Variants in ZYG11B observed in about 807,000 individuals in gnomAD.
The protein encoded by ZYG11B is zyg-11 family member B, cell cycle regulator, also known as protein zyg-11 homolog B.
In ZYG11B, 36 loss-of-function variants were observed where a neutral mutation model predicts 82.4. That is an observed-to-expected ratio of 0.44 (90% CI 0.33 to 0.58). The LOEUF (loss-of-function observed/expected upper bound fraction) is 0.58. Ranked by LOEUF, ZYG11B falls within the 20% of genes least tolerant of loss-of-function variation. The probability of loss-of-function intolerance (pLI) is 0.02; values close to 1 mark genes in which losing one functional copy is unlikely to be tolerated. For missense variants in ZYG11B, 552 were observed against 895.6 expected (o/e 0.62, Z 4.90); for synonymous variants, 303 against 312.8 (o/e 0.97, Z 0.33).
chr1:52,775,416 A>AC (rs1254919063), intron 3 of ZYG11B, among the ~76,000 whole-genome samples: 4 of 151,252 alleles, frequency 2.6e-5, no homozygotes, highest in African/African-American at 9.7e-5. Context: ...ACATAGTGAG[A>AC]CCCCCATCTG....
intron 2 of ZYG11B, among the ~76,000 whole-genome samples, chr1:52,765,672 A>C (rs958609554): frequency 6.6e-5 from 10 of 151,628 alleles, no homozygotes; most frequent in Admixed American, 1.3e-4. Flanking sequence ...CGACTAATTA[A>C]AATTTTTTGT....
chr1:52,810,382 C>T (rs1245993219), intron 10 of ZYG11B, among the ~76,000 whole-genome samples: 1 of 152,152 alleles, frequency 6.6e-6, no homozygotes, highest in Non-Finnish European at 1.5e-5. Context: ...GAGTGGGACT[C>T]TACAGATGGC....
At chr1:52,787,572 T>C (rs954044175) in intron 5 of ZYG11B, among the ~76,000 whole-genome samples, 9 of 152,212 alleles carry the variant, frequency 5.9e-5, no homozygotes, top group Admixed American at 5.2e-4. Flanking sequence ...CCTTACACTT[T>C]TGCTACTCAA....
At chr1:52,819,558 C>T (rs149093648) in intron 13 of ZYG11B, among the ~76,000 whole-genome samples, 11 of 151,874 alleles carry the variant, frequency 7.2e-5, no homozygotes, top group Non-Finnish European at 1.2e-4. Flanking sequence ...GAGGCCAAGG[C>T]GGGTGGATCA....
At chr1:52,810,980 G>C (rs1263213821) in intron 10 of ZYG11B, among the ~76,000 whole-genome samples, 4 of 149,976 alleles carry the variant, frequency 2.7e-5, no homozygotes, top group African/African-American at 7.4e-5. Flanking sequence ...GTTGCAGTGA[G>C]CTGAGATCCT....
At chr1:52,764,740 G>C (rs887296430) in intron 2 of ZYG11B, among the ~76,000 whole-genome samples, 1 of 152,120 alleles carries the variant, frequency 6.6e-6, no homozygotes, top group Non-Finnish European at 1.5e-5. Flanking sequence ...AAAGAACACT[G>C]TTCTCTTAAG....
intron 8 of ZYG11B, among the ~76,000 whole-genome samples, chr1:52,798,577 C>T (rs944827340): frequency 2.0e-5 from 3 of 152,178 alleles, no homozygotes; most frequent in Admixed American, 1.3e-4. Context: ...CGCCACTGCA[C>T]TCCAGCCTGG....
intron 1 of ZYG11B, among the ~76,000 whole-genome samples, chr1:52,741,124 C>T (rs1304822477): frequency 6.6e-6 from 1 of 150,902 alleles, no homozygotes; most frequent in African/African-American, 2.4e-5. Flanking sequence ...ATGGTGAAAC[C>T]CCATCTCTAC....
chr1:52,783,830 A>ATGTGTG lies in ZYG11B; in HGVS notation c.1093-1047_1093-1046insTGTGTG, dbSNP rs1558132569. Among the ~76,000 whole-genome samples the ATGTGTG allele has an allele frequency of 3.0e-3, 220 of 73,120 alleles. 3 individuals carry two copies. The highest frequency in any genetic ancestry group is 6.8e-3 in the African/African-American group (210 of 30,706). The allele number at this position is 73,120 out of a possible 152,430, so 48.0% of individuals were successfully genotyped here. ...TACACACACACGTATATGTATACAT[A>ATGTGTG]CGTGTGTATATGTACATACACGTGT... On this transcript the variant is annotated intron_variant, in intron 4 of 13. Coordinates refer to ENST00000294353, the MANE Select transcript of ZYG11B (RefSeq NM_024646.3).
intron 1 of ZYG11B, among the ~76,000 whole-genome samples, chr1:52,746,958 A>C (rs1324712258): frequency 1.3e-5 from 2 of 150,798 alleles, no homozygotes; most frequent in Non-Finnish European, 2.9e-5. Context: ...TGGGTAAGAC[A>C]AAGGGCATGA....
At chr1:52,814,103 C>T (rs545977257) in intron 12 of ZYG11B, among the ~76,000 whole-genome samples, 191 bp downstream of exon 12, 1 of 152,218 alleles carries the variant, frequency 6.6e-6, no homozygotes, top group African/African-American at 2.4e-5. Flanking sequence ...TCACTGCAAC[C>T]TCCACCTCCC....
Position 52,783,260 on chromosome 1 carries a change from G to A in ZYG11B, c.1093-1617G>A, listed in dbSNP as rs532605387. Among the ~76,000 whole-genome samples, 7 of 152,120 alleles carry A rather than the reference G, an allele frequency of 4.6e-5. No individual in the cohort carries two copies. In the East Asian group the frequency reaches 1.4e-3, roughly 29 times the overall value. ...TCTTATAGGGAATTTTGCTGCAAAG[G>A]GGAGCAAAGAAAAAAGATGGTAATC... On this transcript the variant is annotated intron_variant, in intron 4 of 13. Coordinates refer to ENST00000294353, the MANE Select transcript of ZYG11B (RefSeq NM_024646.3).
intron 3 of ZYG11B, chr1:52,772,782 ATTC>A: frequency 1.8e-6 from 1 of 563,128 alleles, no homozygotes; most frequent in Non-Finnish European, 3.2e-6. Flanking sequence ...GGTTCACGCC[ATTC>A]TTCTGCCTCA....
intron 8 of ZYG11B, 35 bp from the exon 9 acceptor site, chr1:52,801,784 A>C (rs1191030820): frequency 6.5e-7 from 1 of 1,544,462 alleles, no homozygotes; most frequent in East Asian, 2.3e-5. Context: ...AACAGTTCAA[A>C]AGTGAAAACT....
intron 6 of ZYG11B, among the ~76,000 whole-genome samples, chr1:52,791,689 T>C (rs1389829094): frequency 6.6e-6 from 1 of 152,202 alleles, no homozygotes; most frequent in African/African-American, 2.4e-5. Flanking sequence ...AATTTTACTG[T>C]GATTTACTTT....
chr1:52,745,824 A>G (rs2149923890), intron 1 of ZYG11B, among the ~76,000 whole-genome samples: 1 of 148,554 alleles, frequency 6.7e-6, no homozygotes, highest in Middle Eastern at 3.8e-3. Context: ...TCAGCCTCCC[A>G]AAGTGATGGG....
intron 10 of ZYG11B, among the ~76,000 whole-genome samples, chr1:52,811,816 G>A (rs1645185868): frequency 1.3e-5 from 2 of 152,130 alleles, no homozygotes; most frequent in South Asian, 4.1e-4. Flanking sequence ...GGATCACGAG[G>A]TCAGGAAATT....
At chr1:52,803,105 T>TATATATATATATATATATACAC (rs1645094873) in intron 10 of ZYG11B, among the ~76,000 whole-genome samples, 2 of 90,112 alleles carry the variant, frequency 2.2e-5, no homozygotes, top group Non-Finnish European at 3.6e-5. Context: ...TATACATATA[T>TATATATATATATATATATACAC]ATATATATAT....
Position 52,826,425 on chromosome 1 carries a change from C to T in ZYG11B, c.*4796C>T, listed in dbSNP as rs768014621. Reference sequence around the variant, plus strand: ...TTAGGAATAATGCAAAACCAACCTTCGTCCGGTGATGAGAATAGCCGTATG... The same window carrying T: ...TTAGGAATAATGCAAAACCAACCTTTGTCCGGTGATGAGAATAGCCGTATG... On this transcript the variant is annotated 3_prime_UTR_variant, in exon 14 of 14. Transcript: ENST00000294353. 2 of 152,190 alleles carry T rather than the reference C, an allele frequency of 1.3e-5. No individual in the cohort carries two copies. The highest frequency in any genetic ancestry group is 2.4e-5 in the African/African-American group (1 of 41,448). 9.4% of individuals were successfully genotyped at this position (152,190 alleles called of 1,614,324 possible).
Sources: allele counts gnomAD v4.1 joint callset (sites outside exome capture counted in the v4.1 genomes callset), GRCh38; gene constraint gnomAD v4.1.1; transcripts MANE v1.5; gene names NCBI Gene and HGNC (gene_info 2026-07-23, HGNC 2026-07-21).